The following PADI4 variants were observed in gnomAD, a reference collection of about 807,000 sequenced individuals.
PADI4 encodes the protein peptidyl arginine deiminase 4.
In PADI4, 62 loss-of-function variants were observed where a neutral mutation model predicts 75.0. The ratio of observed to expected loss-of-function variants is 0.83; its 90% CI spans 0.67 to 1.02. PADI4 has a LOEUF of 1.02. Ranked by LOEUF, PADI4 falls within the 50% of genes least tolerant of loss-of-function variation. The pLI is 0.00. For missense variants in PADI4, 845 were observed against 850.5 expected (o/e 0.99, Z 0.08); for synonymous variants, 361 against 348.1 (o/e 1.04, Z -0.41).
intron 13 of PADI4, among the ~76,000 whole-genome samples, chr1:17,358,064 G>A (rs1191393042): frequency 6.6e-6 from 1 of 151,724 alleles, no homozygotes; most frequent in Non-Finnish European, 1.5e-5. Flanking sequence ...CCTGGCCAAC[G>A]TGATGAAACC....
At chr1:17,349,133 G>A (rs1474678996) in intron 10 of PADI4, among the ~76,000 whole-genome samples, 10 of 152,188 alleles carry the variant, frequency 6.6e-5, no homozygotes, top group African/African-American at 1.4e-4. Context: ...CCATGGGGTC[G>A]AGTTCATCCT....
intron 15 of PADI4, among the ~76,000 whole-genome samples, chr1:17,363,241 C>G (rs34170018): frequency 0.012 from 1,843 of 152,340 alleles, 19 homozygotes; most frequent in Middle Eastern, 0.031. Flanking sequence ...CCCTCAGCCT[C>G]CAAAGTAGCT....
rs1420236620 is a variant in PADI4 at position 17,339,865 on chromosome 1, T to G, written c.652+52T>G. 1.9e-6 allele frequency: 3 copies of G among 1,538,782 alleles called. 1 individual carries two copies. In the Admixed American group the frequency reaches 5.8e-5, roughly 30 times the overall value. ...TCCTGCCCTGGCCAACGGGGCACAA[T>G]CCTGTCACACAGCTGTGTGGCAGAT... On this transcript the variant is annotated intron_variant, in intron 6 of 15. Coordinates refer to ENST00000375448, the MANE Select transcript of PADI4 (RefSeq NM_012387.3).
chr1:17,351,311 C>A (rs1570078542), intron 10 of PADI4, among the ~76,000 whole-genome samples: 1 of 151,406 alleles, frequency 6.6e-6, no homozygotes, highest in East Asian at 1.9e-4. Flanking sequence ...ATTCTTAAAG[C>A]CGAGTCTGGT....
chr1:17,340,029 C>T (rs1748024), intron 6 of PADI4, among the ~76,000 whole-genome samples: 5,426 of 137,300 alleles, frequency 0.04, 136 homozygotes, highest in Non-Finnish European at 0.057. Context: ...GCTTTTCTTT[C>T]TCTCTCTCTC....
intron 8 of PADI4, among the ~76,000 whole-genome samples, chr1:17,343,968 C>G (rs575521234): frequency 7.9e-4 from 121 of 152,252 alleles, no homozygotes; most frequent in African/African-American, 2.9e-3. Context: ...AACTGGGTAA[C>G]AGACAGAGGT....
intron 1 of PADI4, among the ~76,000 whole-genome samples, chr1:17,328,358 AG>A (rs1008609214): frequency 6.6e-6 from 1 of 151,746 alleles, no homozygotes; most frequent in African/African-American, 2.4e-5. Context: ...GGCGCATAAA[AG>A]TTTAGGCCAG....
At chr1:17,331,768 A>C (rs2100705129) in intron 2 of PADI4, among the ~76,000 whole-genome samples, 1 of 152,188 alleles carries the variant, frequency 6.6e-6, no homozygotes, top group South Asian at 2.1e-4. Context: ...AAATACAAAA[A>C]TTAGCTGGGC....
At chr1:17,332,448 C>T (rs1022121080) in intron 2 of PADI4, among the ~76,000 whole-genome samples, 2 of 152,038 alleles carry the variant, frequency 1.3e-5, no homozygotes, top group African/African-American at 2.4e-5. Context: ...TGGGATTTCA[C>T]CATGTTGGTC....
At chr1:17,338,322 G>T (rs2074354538) in intron 5 of PADI4, among the ~76,000 whole-genome samples, 167 bp downstream of exon 5, 1 of 152,184 alleles carries the variant, frequency 6.6e-6, no homozygotes, top group East Asian at 1.9e-4. Context: ...CGGGGGTCAA[G>T]TGACCTCCCC....
At chr1:17,359,500 C>T in intron 15 of PADI4, 92 bp downstream of exon 15, 1 of 1,545,828 alleles carries the variant, frequency 6.5e-7, no homozygotes, top group Non-Finnish European at 8.8e-7. Flanking sequence ...TCCCAGAGGG[C>T]TTGGCTCCTC....
Position 17,339,917 on chromosome 1 carries a change from A to C in PADI4, c.652+104A>C, listed in dbSNP as rs2074385088. 4.6e-6 allele frequency: 6 copies of C among 1,306,176 alleles called. No individual in the cohort carries two copies. In the East Asian group the frequency reaches 1.3e-4, roughly 28 times the overall value. The allele number at this position is 1,306,176 out of a possible 1,614,324, so 80.9% of individuals were successfully genotyped here. On this transcript the variant is annotated intron_variant, in intron 6 of 15. Transcript: ENST00000375448. ...AATCCTGAGCACCTACTATGTGCCA[A>C]GTTCTAAGAACAGCAGACGCAGCAG...
chr1:17,335,841 G>A (rs917431889), intron 3 of PADI4, among the ~76,000 whole-genome samples: 14 of 152,238 alleles, frequency 9.2e-5, no homozygotes, highest in African/African-American at 3.4e-4. Context: ...TCTCATTGTG[G>A]TGGTTGGGAA....
At chr1:17,327,896 C>T (rs1228529759) in intron 1 of PADI4, among the ~76,000 whole-genome samples, 1 of 152,216 alleles carries the variant, frequency 6.6e-6, no homozygotes, top group Admixed American at 6.5e-5. Context: ...CCCTATGTGG[C>T]CTTTTCTCTT....
intron 6 of PADI4, 146 bp downstream of exon 6, chr1:17,339,959 C>T: frequency 1.3e-6 from 1 of 797,564 alleles, no homozygotes; most frequent in South Asian, 1.8e-5. Flanking sequence ...AGACAGACGA[C>T]ATCTCGTCTA....
intron 1 of PADI4, among the ~76,000 whole-genome samples, chr1:17,311,155 C>T (rs944628990): frequency 5.9e-5 from 9 of 151,690 alleles, no homozygotes; most frequent in Admixed American, 5.3e-4. Context: ...CTCAACTACT[C>T]AGGAGGCTGA....
chr1:17,322,236 C>G (rs529016501), intron 1 of PADI4, among the ~76,000 whole-genome samples: 9 of 152,258 alleles, frequency 5.9e-5, no homozygotes, highest in African/African-American at 2.2e-4. Flanking sequence ...GCCTGTAATC[C>G]CAACACTTTG....
intron 9 of PADI4, among the ~76,000 whole-genome samples, 190 bp from the exon 10 acceptor site, chr1:17,347,751 C>T (rs186962997): frequency 2.2e-3 from 328 of 152,340 alleles, no homozygotes; most frequent in Non-Finnish European, 3.8e-3. Flanking sequence ...CATGGCCTCT[C>T]GTGCACTGGG....
rs537789635 is a variant in PADI4 at position 17,352,277 on chromosome 1, TG to T, written c.1156-2250del. Among the ~76,000 whole-genome samples the T allele has an allele frequency of 1.5e-4, 21 of 140,104 alleles. No homozygotes were observed. In the South Asian group the frequency reaches 3.1e-3, roughly 20 times the overall value. 91.9% of individuals were successfully genotyped at this position (140,104 alleles called of 152,430 possible). A position where few individuals can be genotyped will look rare whatever the true frequency, so the allele number is the denominator to read the frequency against. ...TGGTCAAGGAGGTGATGGGAGGAGATGGGGGGCAGTAGAAGAGGCTGTGGTC... is the reference window on the plus strand; with the variant it reads ...TGGTCAAGGAGGTGATGGGAGGAGATGGGGGCAGTAGAAGAGGCTGTGGTC... On this transcript the variant is annotated intron_variant, in intron 10 of 15. Transcript: ENST00000375448.
Sources: gnomAD v4.1 joint callset for allele counts (sites outside exome capture counted in the v4.1 genomes callset) on GRCh38, gnomAD v4.1.1 for gene constraint, MANE v1.5 for transcripts, NCBI Gene and HGNC (gene_info 2026-07-23, HGNC 2026-07-21) for gene names.